Variants in ZNF704 observed in about 807,000 individuals in gnomAD.
ZNF704 encodes glucocorticoid induced gene 1.
ZNF704 carries 10 observed loss-of-function variants against 44.7 expected under a neutral mutation model. The ratio of observed to expected loss-of-function variants is 0.22; its 90% CI spans 0.14 to 0.38. ZNF704 has a LOEUF of 0.38. Among genes scored for constraint, ZNF704 ranks in the 10% least tolerant of loss-of-function variants. The pLI is 1.00. For missense variants in ZNF704, 390 were observed against 545.5 expected, an observed-to-expected ratio of 0.71 and a Z score of 2.84; for synonymous variants, 211 against 207.6, an observed-to-expected ratio of 1.02 and a Z score of -0.14.
At chr8:80,860,452 T>C (rs1188679027) in intron 1 of ZNF704, among the ~76,000 whole-genome samples, 1 of 152,242 alleles carries the variant, frequency 6.6e-6, no homozygotes, top group Non-Finnish European at 1.5e-5. Context: ...TAGTGACTGC[T>C]ACATGGTCTA....
chr8:80,773,114 T>C (rs1807352331), intron 2 of ZNF704, among the ~76,000 whole-genome samples: 2 of 152,356 alleles, frequency 1.3e-5, no homozygotes, highest in South Asian at 4.1e-4. Flanking sequence ...AAAAACATAC[T>C]GTATATGATT....
intron 2 of ZNF704, among the ~76,000 whole-genome samples, chr8:80,704,928 T>C (rs1165575159): frequency 6.6e-6 from 1 of 152,212 alleles, no homozygotes; most frequent in Non-Finnish European, 1.5e-5. Flanking sequence ...CCCTGATTTA[T>C]AGCCAGTTGG....
At chr8:80,818,182 T>C (rs1354325722) in intron 2 of ZNF704, among the ~76,000 whole-genome samples, 1 of 152,116 alleles carries the variant, frequency 6.6e-6, no homozygotes, top group East Asian at 1.9e-4. Context: ...CCAGAGAAAG[T>C]AAAGTTCAAC....
chr8:80,755,687 G>A lies in ZNF704; in HGVS notation c.222-62580C>T, dbSNP rs1485912107. ...GTGATTTCAGCGTGCAGCCAGGCTT[G>A]AGAACCATGGCTTCACATGACTGGG... is the stretch of plus-strand genomic sequence containing the variant. On this transcript the variant is annotated intron_variant, in intron 2 of 8. Coordinates refer to ENST00000327835, the MANE Select transcript of ZNF704 (RefSeq NM_001033723.3). Among the ~76,000 whole-genome samples, 4 of 152,192 alleles carry A rather than the reference G, an allele frequency of 2.6e-5. No homozygotes were observed. The South Asian group carries it at 6.2e-4, about 24-fold the overall frequency.
At position 80,639,233 on chromosome 8, in the gene ZNF704, G is replaced by A. The variant is rs2131585720; in HGVS notation, c.*2133C>T. ...CTGTACCCTGTCATTTAAACACATG[G>A]TGAACTTGTTTAAACAGGTGACAAG... On this transcript the variant is annotated 3_prime_UTR_variant, in exon 9 of 9. Transcript: ENST00000327835. 6.6e-6 allele frequency: 1 copy of A among 152,360 alleles called. No homozygotes were observed. Among genetic ancestry groups the A allele is most frequent in the East Asian group, 1.9e-4 (1 of 5,192 alleles). The allele number at this position is 152,360 out of a possible 1,614,324, so 9.4% of individuals were successfully genotyped here. A position where few individuals can be genotyped will look rare whatever the true frequency, so the allele number is the denominator to read the frequency against.
chr8:80,808,224 CTT>C (rs1184026543), intron 2 of ZNF704, among the ~76,000 whole-genome samples: 2 of 152,206 alleles, frequency 1.3e-5, no homozygotes, highest in Non-Finnish European at 2.9e-5. Flanking sequence ...CAAGAACTCT[CTT>C]GTTCTTTGAA....
intron 1 of ZNF704, among the ~76,000 whole-genome samples, chr8:80,831,210 A>G (rs1335506817): frequency 6.6e-6 from 1 of 152,230 alleles, no homozygotes; most frequent in African/African-American, 2.4e-5. Context: ...GCAGTTGTGT[A>G]TTAAACCCTA....
intron 2 of ZNF704, among the ~76,000 whole-genome samples, chr8:80,736,191 T>C (rs531585193): frequency 1.3e-5 from 2 of 152,374 alleles, no homozygotes; most frequent in South Asian, 4.1e-4. Context: ...CTCTTAAGCA[T>C]AAAGCCAGTT....
chr8:80,789,174 A>G (rs1262597663), intron 2 of ZNF704, among the ~76,000 whole-genome samples: 1 of 152,212 alleles, frequency 6.6e-6, no homozygotes, highest in African/African-American at 2.4e-5. Context: ...GAATGATTCT[A>G]CAAAAGAGAA....
chr8:80,664,764 T>C (rs946151936), intron 6 of ZNF704, 51 bp downstream of exon 6: 1 of 1,606,198 alleles, frequency 6.2e-7, no homozygotes, highest in African/African-American at 1.3e-5. Context: ...AGATGGCCCC[T>C]GGTTTTGGTC....
intron 1 of ZNF704, among the ~76,000 whole-genome samples, chr8:80,872,495 GT>G (rs893574829): frequency 2.0e-5 from 3 of 151,926 alleles, no homozygotes; most frequent in East Asian, 1.9e-4. Flanking sequence ...CTGTTCATGA[GT>G]TTTTTTTCTT....
At chr8:80,880,974 G>A in the ZNF704 span, among the ~76,000 whole-genome samples, 1 of 152,234 alleles carries the variant, frequency 6.6e-6, no homozygotes, top group Non-Finnish European at 1.5e-5. Context: ...GAGAGTATGA[G>A]TATGCTGTTA....
At chr8:80,779,366 C>T (rs983749308) in intron 2 of ZNF704, among the ~76,000 whole-genome samples, 3 of 152,088 alleles carry the variant, frequency 2.0e-5, no homozygotes, top group South Asian at 2.1e-4. Context: ...CTCAGCCTCC[C>T]GAGTAGCTGG....
chr8:80,727,433 G>T (rs917105269), intron 2 of ZNF704, among the ~76,000 whole-genome samples: 7 of 142,322 alleles, frequency 4.9e-5, no homozygotes, highest in Non-Finnish European at 1.1e-4. Flanking sequence ...TTTTGTTTTT[G>T]TTTTTTTTTT....
chr8:80,736,318 T>C (rs1371598911), intron 2 of ZNF704, among the ~76,000 whole-genome samples: 2 of 152,244 alleles, frequency 1.3e-5, no homozygotes, highest in Non-Finnish European at 2.9e-5. Context: ...TCTCGCTCTA[T>C]CACCAGGCTG....
chr8:80,714,765 T>C (rs1052850325), intron 2 of ZNF704, among the ~76,000 whole-genome samples: 1 of 152,184 alleles, frequency 6.6e-6, no homozygotes, highest in Non-Finnish European at 1.5e-5. Context: ...ACTGGTCCCA[T>C]TTTAAGTCAC....
At chr8:80,844,826 T>A (rs1024327838) in intron 1 of ZNF704, among the ~76,000 whole-genome samples, 3 of 150,258 alleles carry the variant, frequency 2.0e-5, no homozygotes, top group Non-Finnish European at 4.4e-5. Context: ...TTTTTTCTTC[T>A]CTTTTTATTT....
At chr8:80,690,040 T>C (rs1221534488) in intron 3 of ZNF704, among the ~76,000 whole-genome samples, 1 of 149,710 alleles carries the variant, frequency 6.7e-6, no homozygotes, top group African/African-American at 2.6e-5. Flanking sequence ...GCAATAATTC[T>C]AGAGAAAATC....
At chr8:80,773,539 T>A (rs769767923) in intron 2 of ZNF704, among the ~76,000 whole-genome samples, 1 of 152,204 alleles carries the variant, frequency 6.6e-6, no homozygotes. Context: ...ATTTACATGT[T>A]TTTGCTTACC....
Sources: allele counts gnomAD v4.1 joint callset (sites outside exome capture counted in the v4.1 genomes callset), GRCh38; gene constraint gnomAD v4.1.1; transcripts MANE v1.5; gene names NCBI Gene and HGNC (gene_info 2026-07-23, HGNC 2026-07-21).